Variants in PRR16 observed in about 807,000 individuals in gnomAD.
PRR16 encodes proline rich 16.
A neutral mutation model predicts 18.2 loss-of-function variants in PRR16; 6 were observed. That is an observed-to-expected ratio of 0.33 (90% CI 0.18 to 0.65). The LOEUF (loss-of-function observed/expected upper bound fraction) is 0.65. Among genes scored for constraint, PRR16 ranks in the 30% least tolerant of loss-of-function variants. The pLI, the probability that PRR16 is intolerant of heterozygous loss-of-function variation, is 0.74. For missense variants in PRR16, 412 were observed against 376.6 expected (o/e 1.09, Z -0.78); for synonymous variants, 151 against 147.8 (o/e 1.02, Z -0.16).
At chr5:120,754,455 ATATATAG>A in the PRR16 span, among the ~76,000 whole-genome samples, 175 of 28,428 alleles carry the variant, frequency 6.2e-3, 2 homozygotes, top group East Asian at 0.016. Context: ...ATATTATATA[ATATATAG>A]TATATAGTAT....
the PRR16 span, among the ~76,000 whole-genome samples, chr5:120,754,448 T>G: frequency 1.9e-4 from 17 of 88,594 alleles, no homozygotes; most frequent in Admixed American, 3.7e-4. Flanking sequence ...ATAGTATATA[T>G]TATATAATAT....
chr5:120,686,634 T>G lies in PRR16; in HGVS notation c.840T>G (p.Pro280=), dbSNP rs1757136900. The change falls in exon 2 of 2, where the codon CCT becomes CCG. Residue 280 remains proline (P), a synonymous_variant. Transcript: ENST00000407149. Reference sequence around the variant, plus strand: ...GTAACAGCTTCCCCCCTATCAGACCTGCAACTGTGCCTCCTCCCACTGCAC... The same window carrying G: ...GTAACAGCTTCCCCCCTATCAGACCGGCAACTGTGCCTCCTCCCACTGCAC... ...SHSNSFPPIR[P]ATVPPPTAPK... 8 of 1,603,972 alleles carry G rather than the reference T, an allele frequency of 5.0e-6. No individual in the cohort carries two copies. The highest frequency in any genetic ancestry group is 6.8e-6 in the Non-Finnish European group (8 of 1,174,326).
intron 1 of PRR16, among the ~76,000 whole-genome samples, chr5:120,624,438 T>C (rs1754795322): frequency 6.6e-6 from 1 of 152,108 alleles, no homozygotes; most frequent in African/African-American, 2.4e-5. Context: ...TTTCCAGTAA[T>C]ATATTTTGCT....
At chr5:120,576,966 A>G (rs1213925138) in intron 1 of PRR16, among the ~76,000 whole-genome samples, 1 of 152,120 alleles carries the variant, frequency 6.6e-6, no homozygotes, top group African/African-American at 2.4e-5. Flanking sequence ...ATACACATAT[A>G]TATGTTTATA....
intron 1 of PRR16, among the ~76,000 whole-genome samples, chr5:120,475,636 C>T (rs1749417416): frequency 6.6e-6 from 1 of 152,050 alleles, no homozygotes. Flanking sequence ...ACTCTGGAGC[C>T]TGAGCTGGGA....
the PRR16 span, among the ~76,000 whole-genome samples, chr5:120,783,667 T>C: frequency 4.5e-4 from 69 of 152,280 alleles, no homozygotes; most frequent in Admixed American, 1.4e-3. Flanking sequence ...ATGCTCAAAT[T>C]AGGGTATCTG....
chr5:120,478,868 C>T (rs1021179622), intron 1 of PRR16, among the ~76,000 whole-genome samples: 1 of 151,770 alleles, frequency 6.6e-6, no homozygotes, highest in African/African-American at 2.4e-5. Context: ...ATGCATTTTT[C>T]TTGCCTTTAG....
intron 1 of PRR16, among the ~76,000 whole-genome samples, chr5:120,622,050 A>G (rs1180549364): frequency 6.6e-6 from 1 of 152,038 alleles, no homozygotes; most frequent in African/African-American, 2.4e-5. Flanking sequence ...TCCCACTCAC[A>G]CACTTAGTCT....
intron 1 of PRR16, among the ~76,000 whole-genome samples, chr5:120,491,528 T>G (rs546331493): frequency 6.6e-6 from 1 of 151,540 alleles, no homozygotes; most frequent in Non-Finnish European, 1.5e-5. Flanking sequence ...TCTGTCTCTC[T>G]TTTTCTCTCT....
At chr5:120,764,535 C>T in the PRR16 span, among the ~76,000 whole-genome samples, 1 of 151,682 alleles carries the variant, frequency 6.6e-6, no homozygotes, top group African/African-American at 2.4e-5. Flanking sequence ...TGTTCCTGTC[C>T]TTTTCTGATT....
At chr5:120,705,085 AAAAGG>A in the PRR16 span, among the ~76,000 whole-genome samples, 7 of 152,104 alleles carry the variant, frequency 4.6e-5, no homozygotes, top group African/African-American at 1.7e-4. Flanking sequence ...TTGTAAAAAA[AAAAGG>A]AGAGTACATT....
chr5:120,650,468 T>G, intron 1 of PRR16, among the ~76,000 whole-genome samples: 1 of 122,462 alleles, frequency 8.2e-6, no homozygotes, highest in Non-Finnish European at 1.7e-5. Context: ...CCAAATGCCA[T>G]CCCTCCCCCC....
At chr5:120,744,721 A>T in the PRR16 span, among the ~76,000 whole-genome samples, 1 of 152,058 alleles carries the variant, frequency 6.6e-6, no homozygotes, top group Non-Finnish European at 1.5e-5. Context: ...TTGTATCATT[A>T]TTTTTGCATA....
At chr5:120,627,245 T>C (rs894904634) in intron 1 of PRR16, among the ~76,000 whole-genome samples, 2 of 152,140 alleles carry the variant, frequency 1.3e-5, no homozygotes, top group African/African-American at 4.8e-5. Context: ...TGGCTAGCAC[T>C]CCGTTTTCCT....
At chr5:120,481,178 C>T (rs1252208015) in intron 1 of PRR16, 1 of 971,936 alleles carries the variant, frequency 1.0e-6, no homozygotes, top group South Asian at 1.4e-5. Flanking sequence ...GATGAAGTCC[C>T]ACTCTGTTGC....
At chr5:120,778,546 C>T in the PRR16 span, among the ~76,000 whole-genome samples, 4 of 152,118 alleles carry the variant, frequency 2.6e-5, no homozygotes, top group African/African-American at 9.7e-5. Context: ...CTTGAATAGA[C>T]AACTAGATGT....
intron 1 of PRR16, among the ~76,000 whole-genome samples, chr5:120,572,521 A>G (rs2112738106): frequency 6.6e-6 from 1 of 152,252 alleles, no homozygotes; most frequent in Non-Finnish European, 1.5e-5. Flanking sequence ...TGCCTGTTCC[A>G]TTCCCAACGT....
At chr5:120,735,043 T>G in the PRR16 span, among the ~76,000 whole-genome samples, 1 of 152,204 alleles carries the variant, frequency 6.6e-6, no homozygotes, top group Non-Finnish European at 1.5e-5. Context: ...TAGCTTATGA[T>G]AACACCATGC....
chr5:120,590,564 T>C (rs1474829525), intron 1 of PRR16, among the ~76,000 whole-genome samples: 2 of 152,182 alleles, frequency 1.3e-5, no homozygotes, highest in Middle Eastern at 3.2e-3. Context: ...ATTTAAATTA[T>C]AGCTAATTTA....
Sources: allele counts gnomAD v4.1 joint callset (sites outside exome capture counted in the v4.1 genomes callset), GRCh38; gene constraint gnomAD v4.1.1; transcripts MANE v1.5; gene names NCBI Gene and HGNC (gene_info 2026-07-23, HGNC 2026-07-21).